CHL1: variants seen among roughly 807,000 people sequenced by gnomAD.
CHL1 encodes neural cell adhesion molecule L1-like protein.
CHL1 carries 96 observed loss-of-function variants against 141.9 expected under a neutral mutation model. The ratio of observed to expected loss-of-function variants is 0.68; its 90% CI spans 0.57 to 0.80. The LOEUF (loss-of-function observed/expected upper bound fraction) is 0.80, where lower values mean the gene tolerates loss of function less well. CHL1 is among the 30% of genes least tolerant of loss of function. The probability of loss-of-function intolerance (pLI) is 0.00; values close to 1 mark genes in which losing one functional copy is unlikely to be tolerated. For synonymous variants in CHL1, 613 were observed against 502.2 expected, an observed-to-expected ratio of 1.22 and a Z score of -2.95; for missense variants, 1,820 against 1,457.2, an observed-to-expected ratio of 1.25 and a Z score of -4.05.
At chr3:352,666 C>T (rs1295596085) in intron 10 of CHL1, among the ~76,000 whole-genome samples, 1 of 152,020 alleles carries the variant, frequency 6.6e-6, no homozygotes, top group Admixed American at 6.6e-5. Context: ...AAGTCCCTCC[C>T]AATATTACAT....
intron 16 of CHL1, among the ~76,000 whole-genome samples, chr3:381,334 A>T (rs1707010889): frequency 6.6e-6 from 1 of 152,162 alleles, no homozygotes; most frequent in South Asian, 2.1e-4. Flanking sequence ...ACTGGGGTCC[A>T]CCAACCCAGT....
At position 197,041 on chromosome 3, in the gene CHL1, A is replaced by T. The variant is rs1308864648; in HGVS notation, c.-197A>T. 6.6e-6 allele frequency: 1 copy of T among 152,016 alleles called. No homozygotes were observed. The highest frequency in any genetic ancestry group is 6.5e-5 in the Admixed American group (1 of 15,268). 9.4% of individuals were successfully genotyped at this position (152,016 alleles called of 1,614,324 possible). On this transcript the variant is annotated 5_prime_UTR_variant, in exon 1 of 28. Transcript: ENST00000256509. ...GCGCCCGAGGGGAGGCGCCGGACAG[A>T]TCGCGTTTCGGAGGCGGCGCAGGTG...
intron 5 of CHL1, among the ~76,000 whole-genome samples, chr3:335,827 G>GA (rs1378517448): frequency 6.6e-6 from 1 of 152,188 alleles, no homozygotes; most frequent in African/African-American, 2.4e-5. Flanking sequence ...AGGCTATGGA[G>GA]AAAATCAGGA....
chr3:390,935 G>C lies in CHL1; in HGVS notation c.2587-20G>C. The C allele has an allele frequency of 6.2e-7, 1 of 1,606,374 alleles. No homozygotes were observed. The highest frequency in any genetic ancestry group is 8.5e-7 in the Non-Finnish European group (1 of 1,173,448). The stretch of plus-strand genomic sequence containing the variant: ...TGCGACCACAATGGATATACTAAAA[G>C]ATTTTGGTTTTCATTGCAGATAAAT... On this transcript the variant is annotated intron_variant, in intron 21 of 27. Coordinates refer to ENST00000256509, the MANE Select transcript of CHL1 (RefSeq NM_006614.4).
intron 2 of CHL1, among the ~76,000 whole-genome samples, chr3:279,316 T>A (rs1402669461): frequency 2.0e-5 from 3 of 152,190 alleles, no homozygotes; most frequent in African/African-American, 4.8e-5. Flanking sequence ...CTTATATATC[T>A]TTTTGCAGAG....
At chr3:213,551 C>G (rs1295655832) in intron 1 of CHL1, 1 of 152,186 alleles carries the variant, frequency 6.6e-6, no homozygotes, top group Non-Finnish European at 1.5e-5. Flanking sequence ...TTTCTGAGGT[C>G]TGGAACTCTC....
At chr3:298,751 C>G (rs570644149) in intron 2 of CHL1, among the ~76,000 whole-genome samples, 1 of 152,142 alleles carries the variant, frequency 6.6e-6, no homozygotes, top group African/African-American at 2.4e-5. Context: ...AGTGGTAGAC[C>G]TATTATTTGA....
At chr3:197,885 T>TTTC in intron 1 of CHL1, 1 of 440,516 alleles carries the variant, frequency 2.3e-6, no homozygotes, top group Non-Finnish European at 4.5e-6. Flanking sequence ...TTTTTTTTTT[T>TTTC]TTGGAGTGTG....
At chr3:263,253 G>T (rs1272798767) in intron 2 of CHL1, among the ~76,000 whole-genome samples, 21 of 151,918 alleles carry the variant, frequency 1.4e-4, no homozygotes, top group Admixed American at 1.4e-3. Flanking sequence ...CTTGCCAGTT[G>T]TAAGAGCTAA....
At chr3:313,227 G>T (rs563712642) in intron 2 of CHL1, among the ~76,000 whole-genome samples, 1 of 152,152 alleles carries the variant, frequency 6.6e-6, no homozygotes, top group African/African-American at 2.4e-5. Flanking sequence ...CACTGAATTT[G>T]CTGTGTTATA....
intron 27 of CHL1, among the ~76,000 whole-genome samples, chr3:402,178 A>T (rs975998716): frequency 6.6e-6 from 1 of 152,264 alleles, no homozygotes; most frequent in African/African-American, 2.4e-5. Flanking sequence ...ATAAAAGAGC[A>T]CAAAAGAGAG....
intron 2 of CHL1, among the ~76,000 whole-genome samples, chr3:279,949 G>T (rs1056791995): frequency 5.3e-5 from 8 of 152,040 alleles, no homozygotes; most frequent in Admixed American, 2.0e-4. Flanking sequence ...TTCATCCTGG[G>T]TATAAAACCA....
chr3:307,811 G>T (rs553092997), intron 2 of CHL1, among the ~76,000 whole-genome samples: 1 of 152,182 alleles, frequency 6.6e-6, no homozygotes, highest in South Asian at 2.1e-4. Flanking sequence ...GAAGAGTTTT[G>T]TTTAAGACCT....
chr3:288,811 C>T (rs777774972), intron 2 of CHL1, among the ~76,000 whole-genome samples: 1 of 152,146 alleles, frequency 6.6e-6, no homozygotes, highest in Admixed American at 6.5e-5. Flanking sequence ...GTGAAGACAG[C>T]TTATCATTAA....
rs372105796 is a variant in CHL1, at chr3:361,833, T to C, written c.1418+23T>C. The C allele has an allele frequency of 5.0e-5, 72 of 1,443,632 alleles. No individual in the cohort carries two copies. The African/African-American group carries it at 8.3e-4, about 17-fold the overall frequency. 89.4% of individuals were successfully genotyped at this position (1,443,632 alleles called of 1,614,324 possible). A position where few individuals can be genotyped will look rare whatever the true frequency, so the allele number is the denominator to read the frequency against. ...CTGGTAAGCCGGTGGCTCATGGTTTTCTTAAGAGAATGTCAATTGTAGATT... is the reference window on the plus strand; with the variant it reads ...CTGGTAAGCCGGTGGCTCATGGTTTCCTTAAGAGAATGTCAATTGTAGATT... On this transcript the variant is annotated intron_variant, in intron 13 of 27. Transcript: ENST00000256509.
At chr3:362,441 T>C (rs1704358606) in intron 13 of CHL1, among the ~76,000 whole-genome samples, 1 of 152,138 alleles carries the variant, frequency 6.6e-6, no homozygotes, top group Non-Finnish European at 1.5e-5. Context: ...ACGTATTTTG[T>C]TCATCGTGGG....
At chr3:289,059 A>G (rs1330819011) in intron 2 of CHL1, among the ~76,000 whole-genome samples, 1 of 152,192 alleles carries the variant, frequency 6.6e-6, no homozygotes, top group East Asian at 1.9e-4. Flanking sequence ...ATCAAGGAGA[A>G]AATGTGTGAA....
At chr3:333,415 A>C (rs146231174) in intron 5 of CHL1, among the ~76,000 whole-genome samples, 1 of 152,010 alleles carries the variant, frequency 6.6e-6, no homozygotes, top group Non-Finnish European at 1.5e-5. Context: ...CTACTTCTCA[A>C]TCTCCTGTTA....
chr3:332,107 C>T (rs1701488298), intron 5 of CHL1, among the ~76,000 whole-genome samples: 1 of 152,070 alleles, frequency 6.6e-6, no homozygotes, highest in African/African-American at 2.4e-5. Flanking sequence ...TCCATACATA[C>T]CAGGAAGATT....
Sources: gnomAD v4.1 joint callset for allele counts (sites outside exome capture counted in the v4.1 genomes callset) on GRCh38, gnomAD v4.1.1 for gene constraint, MANE v1.5 for transcripts, NCBI Gene and HGNC (gene_info 2026-07-23, HGNC 2026-07-21) for gene names.